Variants in L3MBTL4 observed in about 807,000 individuals in gnomAD.
L3MBTL4 encodes the protein lethal(3)malignant brain tumor-like protein 4.
L3MBTL4 carries 70 observed loss-of-function variants against 84.5 expected under a neutral mutation model. The ratio of observed to expected loss-of-function variants is 0.83; its 90% CI spans 0.68 to 1.01. The LOEUF (loss-of-function observed/expected upper bound fraction) is 1.01, where lower values mean the gene tolerates loss of function less well. L3MBTL4 is among the 50% of genes least tolerant of loss of function. The pLI is 0.00. For synonymous variants in L3MBTL4, 274 were observed against 259.8 expected, an observed-to-expected ratio of 1.05 and a Z score of -0.52; for missense variants, 715 against 754.8, an observed-to-expected ratio of 0.95 and a Z score of 0.62.
chr18:6,156,997 G>A (rs540031893), intron 13 of L3MBTL4, among the ~76,000 whole-genome samples: 1 of 152,344 alleles, frequency 6.6e-6, no homozygotes, highest in Admixed American at 6.5e-5. Context: ...CCAGAAGGTA[G>A]AGACGCAGGA....
At chr18:6,320,574 A>T (rs73387695) in intron 1 of L3MBTL4, among the ~76,000 whole-genome samples, 25,867 of 152,048 alleles carry the variant, frequency 0.17, 2,490 homozygotes, top group African/African-American at 0.26. Context: ...GAACTAAAAA[A>T]CACTGCTGAA....
Position 6,414,751 on chromosome 18 carries a change from ACCCACGCGGGCTCGCGACCAT to A in L3MBTL4, c.-91+29_-91+49del, listed in dbSNP as rs936168308. The A allele has an allele frequency of 2.6e-5, 4 of 151,552 alleles. No individual in the cohort carries two copies. The highest frequency in any genetic ancestry group is 2.0e-4 in the Admixed American group (3 of 15,236). The allele number at this position is 151,552 out of a possible 1,614,324, so 9.4% of individuals were successfully genotyped here. A position where few individuals can be genotyped will look rare whatever the true frequency, so the allele number is the denominator to read the frequency against. The stretch of plus-strand genomic sequence containing the variant: ...ACCCCGCGCGGCGGCGGCCGTGGGC[ACCCACGCGGGCTCGCGACCAT>A]CCCACGCGGGCGGCGGCGTCCTTCT... On this transcript the variant is annotated intron_variant, in intron 1 of 18. Coordinates refer to ENST00000317931, the MANE Select transcript of L3MBTL4 (RefSeq NM_001330559.2). This position sits in a 1 kb window ranked among gnomAD's most constrained non-coding sequence, Gnocchi z 5.4.
chr18:6,345,215 C>CAAA (rs35502624), intron 1 of L3MBTL4, among the ~76,000 whole-genome samples: 94 of 38,378 alleles, frequency 2.4e-3, no homozygotes, highest in South Asian at 3.7e-3. Flanking sequence ...TACTAAAATA[C>CAAA]AAAAAAAAAA....
intron 12 of L3MBTL4, among the ~76,000 whole-genome samples, chr18:6,192,959 G>A (rs1432643639): frequency 6.6e-6 from 1 of 152,172 alleles, no homozygotes; most frequent in East Asian, 1.9e-4. Context: ...GAGGGGCAGT[G>A]AAGATGAAAA....
chr18:6,057,057 A>C (rs1036987693), intron 16 of L3MBTL4, among the ~76,000 whole-genome samples: 2 of 151,286 alleles, frequency 1.3e-5, no homozygotes, highest in South Asian at 2.1e-4. Flanking sequence ...TTAAGATGGA[A>C]TCTCGCTCTC....
At chr18:6,063,713 T>C (rs572041999) in intron 16 of L3MBTL4, among the ~76,000 whole-genome samples, 2 of 152,236 alleles carry the variant, frequency 1.3e-5, no homozygotes, top group East Asian at 1.9e-4. Flanking sequence ...TTATTTTTTT[T>C]TCTTGCTGAT....
At chr18:6,180,509 C>T (rs1285900994) in intron 12 of L3MBTL4, among the ~76,000 whole-genome samples, 1 of 152,168 alleles carries the variant, frequency 6.6e-6, no homozygotes, top group Non-Finnish European at 1.5e-5. Flanking sequence ...TCAAACTCAT[C>T]TGCTTTTCCA....
intron 10 of L3MBTL4, among the ~76,000 whole-genome samples, chr18:6,232,370 T>G (rs1003535852): frequency 1.3e-5 from 2 of 152,062 alleles, no homozygotes; most frequent in African/African-American, 4.8e-5. Flanking sequence ...TTGTTTGGCT[T>G]TGGTATTATG....
At chr18:6,366,758 T>C (rs1010159236) in intron 1 of L3MBTL4, among the ~76,000 whole-genome samples, 5 of 152,224 alleles carry the variant, frequency 3.3e-5, no homozygotes, top group African/African-American at 1.2e-4. Context: ...GTTTGTTTAA[T>C]GCCAAGGAGC....
At chr18:6,175,956 T>G (rs1441869563) in intron 12 of L3MBTL4, among the ~76,000 whole-genome samples, 1 of 151,944 alleles carries the variant, frequency 6.6e-6, no homozygotes, top group Non-Finnish European at 1.5e-5. Flanking sequence ...AAAATTTCCT[T>G]TAGAATAACA....
At chr18:6,259,511 CT>C (rs1295898639) in intron 5 of L3MBTL4, 1 of 152,562 alleles carries the variant, frequency 6.6e-6, no homozygotes, top group African/African-American at 2.4e-5. Context: ...ACTTGTATGT[CT>C]TCTTTTGAGA....
intron 4 of L3MBTL4, among the ~76,000 whole-genome samples, chr18:6,292,334 C>G (rs1254747693): frequency 6.6e-6 from 1 of 152,032 alleles, no homozygotes; most frequent in Non-Finnish European, 1.5e-5. Flanking sequence ...TTATTTTTTG[C>G]ATTATGATTT....
chr18:6,252,960 T>A (rs112538009), intron 5 of L3MBTL4, among the ~76,000 whole-genome samples: 13,232 of 152,200 alleles, frequency 0.087, 1,864 homozygotes, highest in African/African-American at 0.3. Context: ...TCCCAGCACT[T>A]TGGGAGGCCG....
chr18:6,094,691 A>T (rs2058572887), intron 14 of L3MBTL4, among the ~76,000 whole-genome samples: 1 of 152,046 alleles, frequency 6.6e-6, no homozygotes, highest in African/African-American at 2.4e-5. Flanking sequence ...AAAATTGTGG[A>T]CTAGAACAGA....
At chr18:6,154,204 A>G in intron 13 of L3MBTL4, among the ~76,000 whole-genome samples, 1 of 152,134 alleles carries the variant, frequency 6.6e-6, no homozygotes, top group East Asian at 1.9e-4. Context: ...CTATTAGTGT[A>G]TTGCTGTCTA....
Position 5,956,207 on chromosome 18 carries a change from T to G in L3MBTL4, c.*13A>C, listed in dbSNP as rs1401840404. The G allele has an allele frequency of 1.2e-6, 2 of 1,608,054 alleles. No homozygotes were observed. The highest frequency in any genetic ancestry group is 3.4e-5 in the Admixed American group (2 of 59,490). On this transcript the variant is annotated 3_prime_UTR_variant, in exon 19 of 19. Coordinates refer to ENST00000317931, the MANE Select transcript of L3MBTL4 (RefSeq NM_001330559.2). ...CGCAGGTCTTGGTGCCAGAGGAAGT[T>G]CAGGGAGCCCATTCATCCCCTGACT...
At chr18:6,028,255 TAC>T (rs542731390) in intron 16 of L3MBTL4, among the ~76,000 whole-genome samples, 37 of 152,232 alleles carry the variant, frequency 2.4e-4, no homozygotes, top group Non-Finnish European at 3.8e-4. Context: ...GTTTTTTGCA[TAC>T]AGTTAGCCAG....
chr18:6,219,215 A>G lies in L3MBTL4; in HGVS notation c.785-3380T>C, dbSNP rs113184153. Among the ~76,000 whole-genome samples the G allele has an allele frequency of 2.1e-3, 317 of 151,828 alleles. 2 individuals are homozygous for G. Among genetic ancestry groups the G allele is most frequent in the African/African-American group, 7.1e-3 (294 of 41,444 alleles). On this transcript the variant is annotated intron_variant, in intron 10 of 18. Coordinates refer to ENST00000317931, the MANE Select transcript of L3MBTL4 (RefSeq NM_001330559.2). ...AATGACGCGTGGCTCCATCAACCTC[A>G]TACTTATCACTTCGTCCTGCTGAGA...
intron 12 of L3MBTL4, among the ~76,000 whole-genome samples, chr18:6,189,411 T>C (rs1202545964): frequency 6.6e-6 from 1 of 152,160 alleles, no homozygotes; most frequent in Non-Finnish European, 1.5e-5. Context: ...GCCCTCACAC[T>C]AGCCACCTAA....
Sources: allele counts gnomAD v4.1 joint callset (sites outside exome capture counted in the v4.1 genomes callset), GRCh38; gene constraint gnomAD v4.1.1; non-coding constraint Gnocchi (gnomAD v3.1); transcripts MANE v1.5; gene names NCBI Gene and HGNC (gene_info 2026-07-23, HGNC 2026-07-21).